The following ATG7 variants were observed in gnomAD, a reference collection of about 807,000 sequenced individuals.
ATG7 encodes the protein autophagy related 7, also known as ubiquitin-like modifier-activating enzyme ATG7.
ATG7 carries 70 observed loss-of-function variants against 82.4 expected under a neutral mutation model. The ratio of observed to expected loss-of-function variants is 0.85; its 90% CI spans 0.70 to 1.04. The LOEUF (loss-of-function observed/expected upper bound fraction) is 1.04, where lower values mean the gene tolerates loss of function less well. ATG7 is among the 50% of genes least tolerant of loss of function. The pLI, the probability that ATG7 is intolerant of heterozygous loss-of-function variation, is 0.00. For missense variants in ATG7, 792 were observed against 864.3 expected (o/e 0.92, Z 1.05); for synonymous variants, 287 against 313.0 (o/e 0.92, Z 0.88).
intron 20 of ATG7, among the ~76,000 whole-genome samples, chr3:11,460,425 G>A (rs111508755): frequency 0.036 from 5,547 of 152,282 alleles, 107 homozygotes; most frequent in African/African-American, 0.047. Flanking sequence ...CTCAGATGTC[G>A]TGAGAGAAGG....
chr3:11,536,125 G>A (rs564957345), intron 20 of ATG7, among the ~76,000 whole-genome samples: 1 of 152,200 alleles, frequency 6.6e-6, no homozygotes, highest in Non-Finnish European at 1.5e-5. Flanking sequence ...TCTCAGGGCT[G>A]GTCTGTGAGG....
chr3:11,323,307 A>G (rs1950452417), intron 9 of ATG7, among the ~76,000 whole-genome samples: 1 of 152,216 alleles, frequency 6.6e-6, no homozygotes, highest in African/African-American at 2.4e-5. Flanking sequence ...GGCTCCCAGA[A>G]AAGCCTGTAT....
chr3:11,274,462 G>A (rs989902170), intron 1 of ATG7, among the ~76,000 whole-genome samples: 3 of 152,122 alleles, frequency 2.0e-5, no homozygotes, highest in African/African-American at 7.2e-5. Context: ...AAGGACGAAC[G>A]AGATCTGACA....
chr3:11,512,401 A>C (rs1159597856), intron 20 of ATG7, among the ~76,000 whole-genome samples: 1 of 152,214 alleles, frequency 6.6e-6, no homozygotes, highest in Non-Finnish European at 1.5e-5. Flanking sequence ...CCAGGTCAGC[A>C]GTACATCCAC....
intron 20 of ATG7, among the ~76,000 whole-genome samples, chr3:11,537,990 A>G (rs545413661): frequency 5.0e-4 from 72 of 145,288 alleles, no homozygotes; most frequent in Admixed American, 1.2e-3. Context: ...CCCTGAATGT[A>G]GAAGAGGCCA....
At chr3:11,478,989 AACACACACACACACACACACAC>A (rs71628717) in intron 20 of ATG7, among the ~76,000 whole-genome samples, 6 of 73,134 alleles carry the variant, frequency 8.2e-5, no homozygotes, top group African/African-American at 4.6e-4. Flanking sequence ...GTATATTTAC[AACACACACACACACACACACAC>A]ACACACACAC....
chr3:11,428,278 T>C (rs930947659), intron 20 of ATG7, among the ~76,000 whole-genome samples: 11 of 152,218 alleles, frequency 7.2e-5, no homozygotes, highest in African/African-American at 2.7e-4. Flanking sequence ...CCAGGCCCAA[T>C]ACTGGACCAG....
chr3:11,573,304 A>AAGGAAGG, the ATG7 span, among the ~76,000 whole-genome samples: 5 of 12,068 alleles, frequency 4.1e-4, no homozygotes, highest in Non-Finnish European at 7.3e-4. Context: ...AGAAAGAAAG[A>AAGGAAGG]AAGGAAGGAA....
At chr3:11,430,233 T>C (rs1393382039) in intron 20 of ATG7, among the ~76,000 whole-genome samples, 1 of 152,184 alleles carries the variant, frequency 6.6e-6, no homozygotes, top group Admixed American at 6.5e-5. Context: ...GAGGACCTCC[T>C]AGCAACAAAA....
At chr3:11,522,228 T>C (rs2092460876) in intron 20 of ATG7, among the ~76,000 whole-genome samples, 1 of 152,144 alleles carries the variant, frequency 6.6e-6, no homozygotes, top group Non-Finnish European at 1.5e-5. Flanking sequence ...TGTGCCCTAC[T>C]TGGGAACAGC....
At chr3:11,273,229 A>T (rs1039723605) in intron 1 of ATG7, among the ~76,000 whole-genome samples, 1 of 152,238 alleles carries the variant, frequency 6.6e-6, no homozygotes, top group Non-Finnish European at 1.5e-5. Flanking sequence ...TGTGGCTGTC[A>T]GTTTGGGACC....
intron 18 of ATG7, among the ~76,000 whole-genome samples, chr3:11,373,512 C>A (rs2077181133): frequency 6.6e-6 from 1 of 152,180 alleles, no homozygotes; most frequent in African/African-American, 2.4e-5. Flanking sequence ...GATTCTCAGG[C>A]CTTTCCCCAG....
rs1483446567 is a variant in ATG7 at position 11,348,170 on chromosome 3, C to G, written c.1284+135C>G. 5.0e-6 allele frequency: 6 copies of G among 1,199,644 alleles called. No individual in the cohort carries two copies. In the African/African-American group the frequency reaches 7.7e-5, roughly 15 times the overall value. 74.3% of individuals were successfully genotyped at this position (1,199,644 alleles called of 1,614,324 possible). ...ACCAGCCACTCGCTATGTGGCTGAA[C>G]CTCTGTTTCCTCATCTCAGAGAGGG... is the stretch of plus-strand genomic sequence containing the variant. On this transcript the variant is annotated intron_variant, in intron 14 of 20. Coordinates refer to ENST00000693202, the MANE Select transcript of ATG7 (RefSeq NM_001349232.2).
chr3:11,421,034 C>A (rs900724845), intron 19 of ATG7, among the ~76,000 whole-genome samples: 1 of 152,014 alleles, frequency 6.6e-6, no homozygotes, highest in African/African-American at 2.4e-5. Flanking sequence ...GGATTACAGG[C>A]GTGAGCCACC....
At chr3:11,470,481 T>C (rs192650841) in intron 20 of ATG7, among the ~76,000 whole-genome samples, 185 of 152,336 alleles carry the variant, frequency 1.2e-3, no homozygotes, top group Admixed American at 4.1e-3. Context: ...CACCCTCATA[T>C]GTGCAGTCCA....
intron 20 of ATG7, among the ~76,000 whole-genome samples, chr3:11,468,929 G>A (rs2087116517): frequency 6.6e-6 from 1 of 152,232 alleles, no homozygotes; most frequent in Non-Finnish European, 1.5e-5. Flanking sequence ...GGCCCTCCAG[G>A]CTGTGTGTGG....
chr3:11,418,609 AGTTT>A (rs1277077393), intron 19 of ATG7, among the ~76,000 whole-genome samples: 1 of 152,066 alleles, frequency 6.6e-6, no homozygotes, highest in Admixed American at 6.5e-5. Context: ...TGTCAGCTAC[AGTTT>A]GTTTTTCTGC....
chr3:11,445,300 C>CT (rs1202909100), intron 20 of ATG7, among the ~76,000 whole-genome samples: 4 of 152,196 alleles, frequency 2.6e-5, no homozygotes, highest in African/African-American at 9.6e-5. Context: ...ATAGAATCAA[C>CT]TTAAATGCCC....
intron 20 of ATG7, among the ~76,000 whole-genome samples, chr3:11,538,698 A>G (rs1482071766): frequency 2.1e-5 from 3 of 142,396 alleles, no homozygotes; most frequent in Non-Finnish European, 4.5e-5. Flanking sequence ...AAAAAAAAAA[A>G]AAAAAAAATT....
Sources: allele counts gnomAD v4.1 joint callset (sites outside exome capture counted in the v4.1 genomes callset), GRCh38; gene constraint gnomAD v4.1.1; transcripts MANE v1.5; gene names NCBI Gene and HGNC (gene_info 2026-07-23, HGNC 2026-07-21).